Variants in MAST2 observed in about 807,000 individuals in gnomAD.
MAST2 encodes the protein microtubule-associated serine/threonine-protein kinase 2.
Under a neutral mutation model 147.4 loss-of-function variants are expected in MAST2, and 70 were observed. The observed-to-expected ratio is 0.47, with a 90% confidence interval of 0.39 to 0.58. The LOEUF (loss-of-function observed/expected upper bound fraction) is 0.58. Ranked by LOEUF, MAST2 falls within the 20% of genes least tolerant of loss-of-function variation. The probability of loss-of-function intolerance (pLI) is 0.00; values close to 1 mark genes in which losing one functional copy is unlikely to be tolerated. For synonymous variants in MAST2, 869 were observed against 896.8 expected (o/e 0.97, Z 0.55); for missense variants, 2,080 against 2,302.3 (o/e 0.90, Z 1.98).
rs998530395 is a variant in MAST2, at chr1:45,913,864, C to T, written c.500+31469C>T. On this transcript the variant is annotated intron_variant, in intron 4 of 28. Coordinates refer to ENST00000361297, the MANE Select transcript of MAST2 (RefSeq NM_015112.3). ...CGGAGGCAAGAGAGACTGGGAGCACCATGTCTGCGGATTCAGTAAGGAGGT... is the reference window on the plus strand; with the variant it reads ...CGGAGGCAAGAGAGACTGGGAGCACTATGTCTGCGGATTCAGTAAGGAGGT... 6.4e-6 allele frequency: 8 copies of T among 1,244,882 alleles called. No individual in the cohort carries two copies. In the African/African-American group the frequency reaches 1.3e-4, roughly 20 times the overall value. The allele number at this position is 1,244,882 out of a possible 1,614,324, so 77.1% of individuals were successfully genotyped here. A position where few individuals can be genotyped will look rare whatever the true frequency, so the allele number is the denominator to read the frequency against.
intron 4 of MAST2, among the ~76,000 whole-genome samples, chr1:45,931,584 G>A (rs1285204886): frequency 6.6e-6 from 1 of 151,788 alleles, no homozygotes; most frequent in East Asian, 1.9e-4. Flanking sequence ...CCACCTCCCG[G>A]GTTCAAGCGA....
At chr1:46,018,062 C>T (rs1184861798) in intron 10 of MAST2, among the ~76,000 whole-genome samples, 3 of 152,200 alleles carry the variant, frequency 2.0e-5, no homozygotes, top group Non-Finnish European at 4.4e-5. Flanking sequence ...TCTTCTGCCA[C>T]CTCTCGGTGG....
At chr1:45,822,120 C>T (rs1487908573) in intron 1 of MAST2, among the ~76,000 whole-genome samples, 1 of 151,836 alleles carries the variant, frequency 6.6e-6, no homozygotes, top group Admixed American at 6.6e-5. Context: ...AACTCCTGAC[C>T]TCAAATGATC....
intron 1 of MAST2, among the ~76,000 whole-genome samples, chr1:45,809,891 A>G (rs2148634141): frequency 6.6e-6 from 1 of 152,324 alleles, no homozygotes; most frequent in African/African-American, 2.4e-5. Flanking sequence ...GTCTTATCTC[A>G]TTTTGTTTCT....
chr1:45,845,402 T>C (rs1271172399), intron 3 of MAST2, among the ~76,000 whole-genome samples: 1 of 152,230 alleles, frequency 6.6e-6, no homozygotes, highest in African/African-American at 2.4e-5. Context: ...GTTATGATAC[T>C]TTAAACTGTT....
At chr1:45,976,080 T>C (rs1379025529) in intron 5 of MAST2, among the ~76,000 whole-genome samples, 1 of 152,026 alleles carries the variant, frequency 6.6e-6, no homozygotes, top group Non-Finnish European at 1.5e-5. Flanking sequence ...GTTCAAGTGA[T>C]TCTTGTGCCT....
chr1:45,981,630 A>G (rs974540407), intron 5 of MAST2, among the ~76,000 whole-genome samples: 24 of 152,176 alleles, frequency 1.6e-4, no homozygotes, highest in African/African-American at 5.6e-4. Flanking sequence ...TTTCAAAGTA[A>G]ACTAAATTCC....
chr1:46,030,117 T>C lies in MAST2; in HGVS notation c.2444-12T>C, dbSNP rs117174987. 1 of 1,613,740 alleles carries C rather than the reference T, an allele frequency of 6.2e-7. No individual in the cohort carries two copies. Among genetic ancestry groups the C allele is most frequent in the East Asian group, 2.2e-5 (1 of 44,882 alleles). ...GGGCTCTGAAGGAAAGTGTCCTTTA[T>C]GTCTGGCCCAGCCCGCTCAGAGCGA... On this transcript the variant is annotated splice_polypyrimidine_tract_variant and intron_variant, in intron 20 of 28. Transcript: ENST00000361297.
intron 4 of MAST2, among the ~76,000 whole-genome samples, chr1:45,930,923 A>T (rs1018888598): frequency 6.6e-6 from 1 of 152,262 alleles, no homozygotes; most frequent in African/African-American, 2.4e-5. Context: ...CTTTACAGAA[A>T]AAGTTTGACA....
At chr1:45,841,010 A>G (rs1645257608) in intron 3 of MAST2, among the ~76,000 whole-genome samples, 1 of 152,128 alleles carries the variant, frequency 6.6e-6, no homozygotes, top group Non-Finnish European at 1.5e-5. Context: ...GAGTGCAGTG[A>G]CATGGCTCAC....
At chr1:45,946,088 C>T (rs551982723) in intron 4 of MAST2, among the ~76,000 whole-genome samples, 1 of 152,302 alleles carries the variant, frequency 6.6e-6, no homozygotes, top group East Asian at 1.9e-4. Flanking sequence ...ATTAATTCTC[C>T]AAATAATAAA....
At chr1:45,851,994 A>C (rs1645636743) in intron 3 of MAST2, among the ~76,000 whole-genome samples, 1 of 152,146 alleles carries the variant, frequency 6.6e-6, no homozygotes, top group African/African-American at 2.4e-5. Context: ...TTATGGTTGC[A>C]TAGGAAGTTG....
intron 4 of MAST2, among the ~76,000 whole-genome samples, chr1:45,918,503 A>G (rs1258036448): frequency 6.6e-6 from 1 of 152,198 alleles, no homozygotes; most frequent in East Asian, 1.9e-4. Context: ...CAATGGCACA[A>G]TCTCTCCTCA....
chr1:45,966,894 T>A (rs1364121565), intron 5 of MAST2, among the ~76,000 whole-genome samples: 2 of 130,266 alleles, frequency 1.5e-5, no homozygotes, highest in Non-Finnish European at 3.2e-5. Flanking sequence ...TAAGGCAGGG[T>A]CTCACGCCAT....
At chr1:46,032,129 C>T (rs1646694603) in intron 24 of MAST2, 49 bp from the exon 25 acceptor site, 3 of 1,430,402 alleles carry the variant, frequency 2.1e-6, no homozygotes, top group East Asian at 4.5e-5. Flanking sequence ...GGACCAGGGG[C>T]CAGGCCAAAG....
At chr1:45,880,966 CAAAAAAAAAAAAAAA>C (rs10660375) in intron 3 of MAST2, among the ~76,000 whole-genome samples, 12 of 89,870 alleles carry the variant, frequency 1.3e-4, no homozygotes, top group Admixed American at 4.9e-4. Flanking sequence ...GACTCCATCT[CAAAAAAAAAAAAAAA>C]AGAAAAGAAA....
At chr1:45,829,002 A>G (rs774306409) in intron 2 of MAST2, among the ~76,000 whole-genome samples, 14 of 152,014 alleles carry the variant, frequency 9.2e-5, no homozygotes, top group Non-Finnish European at 2.1e-4. Context: ...TCTTTCATTG[A>G]GATTAAGGCA....
intron 5 of MAST2, among the ~76,000 whole-genome samples, chr1:45,986,438 G>A (rs368351291): frequency 5.9e-5 from 9 of 151,982 alleles, no homozygotes; most frequent in Non-Finnish European, 7.4e-5. Flanking sequence ...CGTTTATGCC[G>A]GGCACGGTGG....
chr1:45,980,047 G>A (rs781716475), intron 5 of MAST2, among the ~76,000 whole-genome samples: 1 of 152,148 alleles, frequency 6.6e-6, no homozygotes, highest in Non-Finnish European at 1.5e-5. Context: ...CACTTTGGGA[G>A]GCCGAGGCAG....
Sources: gnomAD v4.1 joint callset for allele counts (sites outside exome capture counted in the v4.1 genomes callset) on GRCh38, gnomAD v4.1.1 for gene constraint, MANE v1.5 for transcripts, NCBI Gene and HGNC (gene_info 2026-07-23, HGNC 2026-07-21) for gene names.